SHC1: variants seen among roughly 807,000 people sequenced by gnomAD.
SHC1 encodes SHC adaptor protein 1, also known as SHC-transforming protein 1.
A neutral mutation model predicts 55.9 loss-of-function variants in SHC1; 30 were observed. The observed-to-expected ratio is 0.54, with a 90% CI of 0.40 to 0.73. The LOEUF (loss-of-function observed/expected upper bound fraction) is 0.73. SHC1 is among the 30% of genes least tolerant of loss of function. SHC1 has a pLI of 0.00. For synonymous variants in SHC1, 309 were observed against 306.1 expected (o/e 1.01, Z -0.10); for missense variants, 675 against 777.1 (o/e 0.87, Z 1.56).
In SHC1 at chr1:154,970,158, C is replaced by T; in HGVS notation, c.369G>A (p.Arg123=). Residue 123 remains arginine (R), a synonymous_variant, in exon 1 of 12, where the codon CGG becomes CGA. Transcript: ENST00000448116. The surrounding 1 kb of genome is among the most constrained non-coding windows in gnomAD (Gnocchi z 5.5). ...CGCCCCCAAGCTGGCCCCCTTCCAC[C>T]CGAGTCCTGCGCCCGCCGCCTCCAC... ...KLSGGGGRRT[R]VEGGQLGGEE... is the part of the protein sequence containing the mutation. 1.9e-6 allele frequency: 3 copies of T among 1,613,508 alleles called. No individual in the cohort carries two copies. Among genetic ancestry groups the T allele is most frequent in the Non-Finnish European group, 2.5e-6 (3 of 1,179,920 alleles).
intron 11 of SHC1, among the ~76,000 whole-genome samples, chr1:154,964,571 A>G (rs1023721598): frequency 6.6e-6 from 1 of 151,942 alleles, no homozygotes; most frequent in African/African-American, 2.4e-5. Flanking sequence ...GTAACCTCGA[A>G]CTCCTGGGCT....
At position 154,966,869 on chromosome 1, in the gene SHC1, A is replaced by G. The variant is rs1656052672; in HGVS notation, c.984-352T>C. Among the ~76,000 whole-genome samples, 3 of 152,198 alleles carry G rather than the reference A, an allele frequency of 2.0e-5. No individual in the cohort carries two copies. The South Asian group carries it at 6.2e-4, about 32-fold the overall frequency. ...TATAATCCCAACACTTTCAGAGGCCAAGGAGGGAGGGTTGTTTGAGCCTAG... is the reference window on the plus strand; with the variant it reads ...TATAATCCCAACACTTTCAGAGGCCGAGGAGGGAGGGTTGTTTGAGCCTAG... On this transcript the variant is annotated intron_variant, in intron 7 of 11. Transcript: ENST00000448116.
Position 154,970,398 on chromosome 1 carries a change from C to T in SHC1, c.129G>A (p.Gly43=), listed in dbSNP as rs200435257. ...ELPSPSASSL[G]PILPPLPGDD... ...CCCCAGGCAGAGGAGGCAGGATGGGCCCCAGGGATGAAGCTGATGGGGAAG... is the reference window on the plus strand; with the variant it reads ...CCCCAGGCAGAGGAGGCAGGATGGGTCCCAGGGATGAAGCTGATGGGGAAG... Residue 43 remains glycine, a synonymous_variant, in exon 1 of 12, where the codon GGG becomes GGA. Transcript: ENST00000448116. This position sits in a 1 kb window ranked among gnomAD's most constrained non-coding sequence, Gnocchi z 5.5. 4.4e-6 allele frequency: 7 copies of T among 1,602,638 alleles called. No homozygotes were observed. The highest frequency in any genetic ancestry group is 5.1e-6 in the Non-Finnish European group (6 of 1,175,048).
chr1:154,968,330 G>C, intron 4 of SHC1, 73 bp from the exon 5 acceptor site: 1 of 1,551,562 alleles, frequency 6.4e-7, no homozygotes, highest in South Asian at 1.1e-5. Flanking sequence ...CCAGAACCCT[G>C]GTGCCCCAGT....
Position 154,969,386 on chromosome 1 carries a change from C to T in SHC1, c.558G>A (p.Gln186=). 1 of 1,609,846 alleles carries T rather than the reference C, an allele frequency of 6.2e-7. No homozygotes were observed. The highest frequency in any genetic ancestry group is 8.5e-7 in the Non-Finnish European group (1 of 1,177,292). Reference sequence around the variant, plus strand: ...ACTCCCTCCCCACTAACCTGGTGACCTGAGTCCGGGTGTTGAAGTCCAGGG... The same window carrying T: ...ACTCCCTCCCCACTAACCTGGTGACTTGAGTCCGGGTGTTGAAGTCCAGGG... ...MRALDFNTRT[Q]VTREAISLVC... Residue 186 remains glutamine, a synonymous_variant, in exon 2 of 12, where the codon CAG becomes CAA. Transcript: ENST00000448116.
chr1:154,971,363 G>A (rs184307990), upstream of SHC1, among the ~76,000 whole-genome samples: 6 of 152,316 alleles, frequency 3.9e-5, no homozygotes, highest in Admixed American at 3.3e-4. Context: ...AAGAGGAAGA[G>A]CAAAGCTGGT....
rs537795624 is a variant in SHC1, at chr1:154,967,546, G to C, written c.983+125C>G. ...GCCACAGGAAACAGAAGAATAGCAG[G>C]AAGTGGGAAGCAGAGGCACACAGGT... On this transcript the variant is annotated intron_variant, in intron 7 of 11. Transcript: ENST00000448116. 1.6e-5 allele frequency: 16 copies of C among 1,010,018 alleles called. No homozygotes were observed. The African/African-American group carries it at 2.4e-4, about 15-fold the overall frequency. The allele number at this position is 1,010,018 out of a possible 1,614,324, so 62.6% of individuals were successfully genotyped here. A position where few individuals can be genotyped will look rare whatever the true frequency, so the allele number is the denominator to read the frequency against.
At chr1:154,969,003 A>G in intron 2 of SHC1, 169 bp from the exon 3 acceptor site, 1 of 651,712 alleles carries the variant, frequency 1.5e-6, no homozygotes, top group Non-Finnish European at 2.7e-6. Context: ...TGACACTGAG[A>G]GGCCACTTCC....
At chr1:154,964,052 G>A (rs774013712) in intron 11 of SHC1, 121 bp from the exon 12 acceptor site, 1 of 1,019,328 alleles carries the variant, frequency 9.8e-7, no homozygotes, top group African/African-American at 1.6e-5. Flanking sequence ...AATGGTGGGG[G>A]AGAGTGTGGC....
Position 154,966,368 on chromosome 1 carries a change from C to T in SHC1, c.1133G>A (p.Arg378Gln), listed in dbSNP as rs780262070. ...LREGAAPGAARPTAPNAQTPS... is the reference protein window; with the variant it reads ...LREGAAPGAAQPTAPNAQTPS... ...GGTCTGGGCATTGGGTGCAGTGGGT[C>T]GAGCAGCCCCTGGAGCGGCTCCTTC... The change falls in exon 8 of 12, where the codon CGA (arginine) becomes CAA (glutamine). Residue 378 changes from arginine (R) to glutamine (Q), a missense_variant. Arg to Gln is a conservative substitution (Grantham distance 43). This residue lies in a region of SHC1 where 360 missense variants were observed against 371.1 expected (regional missense o/e 0.97). Coordinates refer to ENST00000448116, the MANE Select transcript of SHC1 (RefSeq NM_001130040.2). The T allele has an allele frequency of 2.1e-5, 34 of 1,613,962 alleles. No homozygotes were observed. The highest frequency in any genetic ancestry group is 1.6e-4 in the Middle Eastern group (1 of 6,082).
rs910303880 is a variant in SHC1 at position 154,970,613 on chromosome 1, T to C, written c.-87A>G. 1 of 876,712 alleles carries C rather than the reference T, an allele frequency of 1.1e-6. No individual in the cohort carries two copies. The highest frequency in any genetic ancestry group is 1.8e-6 in the Non-Finnish European group (1 of 560,960). 54.3% of individuals were successfully genotyped at this position (876,712 alleles called of 1,614,324 possible). On this transcript the variant is annotated 5_prime_UTR_variant, in exon 1 of 12. Coordinates refer to ENST00000448116, the MANE Select transcript of SHC1 (RefSeq NM_001130040.2). The surrounding 1 kb of genome is among the most constrained non-coding windows in gnomAD (Gnocchi z 5.5). ...CCAGGCAGGGGGTATCCCCAGGCCC[T>C]TAGCCTGGTTGGACCTCTGTGGCCC... is the stretch of plus-strand genomic sequence containing the variant.
chr1:154,964,124 G>C (rs1235822595), intron 11 of SHC1, 193 bp from the exon 12 acceptor site: 1 of 752,144 alleles, frequency 1.3e-6, no homozygotes, highest in East Asian at 2.6e-5. Flanking sequence ...AGACAGGTCA[G>C]TGAAGTGAGA....
At position 154,968,544 on chromosome 1, in the gene SHC1, A is replaced by C; in HGVS notation, c.701T>G (p.Leu234Arg). 1 of 1,614,090 alleles carries C rather than the reference A, an allele frequency of 6.2e-7. No individual in the cohort carries two copies. The highest frequency in any genetic ancestry group is 1.1e-5 in the South Asian group (1 of 91,078). ...GTTGAGGCTGCTGGTGGAGACGGTGAGAGTGATTGGCATTCCAGCAAATTT... is the reference window on the plus strand; with the variant it reads ...GTTGAGGCTGCTGGTGGAGACGGTGCGAGTGATTGGCATTCCAGCAAATTT... The part of the protein sequence containing the change: ...NLKFAGMPIT[L>R]TVSTSSLNLM... The change falls in exon 4 of 12, where the codon CTC becomes CGC. Residue 234 changes from leucine (L) to arginine (R), a missense_variant. By Grantham distance (102) the Leu-to-Arg change is moderately radical. Coordinates refer to ENST00000448116, the MANE Select transcript of SHC1 (RefSeq NM_001130040.2).
chr1:154,974,032 G>C (rs1337216439), upstream of SHC1, among the ~76,000 whole-genome samples: 5 of 151,956 alleles, frequency 3.3e-5, no homozygotes, highest in Non-Finnish European at 7.4e-5. Context: ...GGGGGGTGGG[G>C]ACTTCCAGAA....
At position 154,967,780 on chromosome 1, in the gene SHC1, A is replaced by G; in HGVS notation, c.874T>C (p.Cys292Arg). The G allele has an allele frequency of 6.2e-7, 1 of 1,613,998 alleles. No individual in the cohort carries two copies. Among genetic ancestry groups the G allele is most frequent in the Non-Finnish European group, 8.5e-7 (1 of 1,179,984 alleles). Reference protein sequence around the residue: ...VNQRACHILECPEGLAQDVIS... With the variant: ...VNQRACHILERPEGLAQDVIS... ...ACATCCTGGGCAAGCCCTTCGGGACACTCCAGAATGTGGCAGGCTGAGGGC... is the reference window on the plus strand; with the variant it reads ...ACATCCTGGGCAAGCCCTTCGGGACGCTCCAGAATGTGGCAGGCTGAGGGC... Residue 292 changes from cysteine (C) to arginine (R), a missense_variant, in exon 7 of 12, where the codon TGT becomes CGT. Coordinates refer to ENST00000448116, the MANE Select transcript of SHC1 (RefSeq NM_001130040.2).
Position 154,970,026 on chromosome 1 carries a change from A to T in SHC1, c.495+6T>A, listed in dbSNP as rs767762853. ...CGGGGGAATGGAGAGGAGGATGTTC[A>T]CTCACCCGAACCAAGTAGGAAACCC... On this transcript the variant is annotated splice_donor_region_variant and intron_variant, in intron 1 of 11. Transcript: ENST00000448116. This position sits in a 1 kb window ranked among gnomAD's most constrained non-coding sequence, Gnocchi z 5.5. The T allele has an allele frequency of 6.2e-7, 1 of 1,613,656 alleles. No individual in the cohort carries two copies. Among genetic ancestry groups the T allele is most frequent in the Non-Finnish European group, 8.5e-7 (1 of 1,179,862 alleles).
rs1655820080 is a variant in SHC1 at position 154,965,408 on chromosome 1, A to G, written c.1626+135T>C. 23 of 1,610,788 alleles carry G rather than the reference A, an allele frequency of 1.4e-5. No individual in the cohort carries two copies. The East Asian group carries it at 5.1e-4, about 36-fold the overall frequency. On this transcript the variant is annotated intron_variant, in intron 11 of 11. Transcript: ENST00000448116. ...TCTGGAGGAAGATGCCAGACACTTT[A>G]AAGAGCAAGAGAGGCCCATAGACAG...
At chr1:154,968,922 C>G (rs1656378465) in intron 2 of SHC1, 88 bp from the exon 3 acceptor site, 4 of 1,141,672 alleles carry the variant, frequency 3.5e-6, no homozygotes, top group Non-Finnish European at 5.3e-6. Flanking sequence ...GAGGGGAAAG[C>G]CAGGCCAGAC....
rs762661482 is a variant in SHC1 at position 154,966,212 on chromosome 1, C to T, written c.1202G>A (p.Gly401Glu). 2 of 1,614,138 alleles carry T rather than the reference C, an allele frequency of 1.2e-6. No homozygotes were observed. The highest frequency in any genetic ancestry group is 1.1e-5 in the South Asian group (1 of 91,072). The change falls in exon 9 of 12, where the codon GGG (glycine) becomes GAG (glutamate). Residue 401 changes from glycine to glutamate, a missense_variant. By Grantham distance (98) the Gly-to-Glu change is moderately conservative. Around this residue, in one of 3 missense-constraint regions of SHC1, gnomAD observed 360 missense variants for 371.1 expected, o/e 0.97. Coordinates refer to ENST00000448116, the MANE Select transcript of SHC1 (RefSeq NM_001130040.2). ...GATLPVGQPVGGDPEVRKQMP... is the reference protein window; with the variant it reads ...GATLPVGQPVEGDPEVRKQMP... The stretch of plus-strand genomic sequence containing the variant: ...CTGTTTGCGGACTTCTGGATCTCCC[C>T]CAACAGGCTGTCCTACAGGCTGCAG...
Sources: allele counts gnomAD v4.1 joint callset (sites outside exome capture counted in the v4.1 genomes callset), GRCh38; gene constraint gnomAD v4.1.1; regional missense constraint gnomAD v4.1.1; non-coding constraint Gnocchi (gnomAD v3.1); transcripts MANE v1.5; gene names NCBI Gene and HGNC (gene_info 2026-07-23, HGNC 2026-07-21).